Variants in TTC7B observed in about 807,000 individuals in gnomAD.
TTC7B encodes tetratricopeptide repeat domain 7B.
Under a neutral mutation model 106.8 loss-of-function variants are expected in TTC7B, and 28 were observed. That is an observed-to-expected ratio of 0.26 (90% CI 0.19 to 0.36). TTC7B has a LOEUF of 0.36. Ranked by LOEUF, TTC7B falls within the 10% of genes least tolerant of loss-of-function variation. The pLI, the probability that TTC7B is intolerant of heterozygous loss-of-function variation, is 1.00. For synonymous variants in TTC7B, 405 were observed against 430.6 expected, an observed-to-expected ratio of 0.94 and a Z score of 0.74; for missense variants, 862 against 1,076.4, an observed-to-expected ratio of 0.80 and a Z score of 2.79.
At chr14:90,567,210 C>T (rs1890835771) in intron 19 of TTC7B, among the ~76,000 whole-genome samples, 1 of 152,188 alleles carries the variant, frequency 6.6e-6, no homozygotes, top group Non-Finnish European at 1.5e-5. Context: ...GCAACCCCAC[C>T]TTGGCAACAT....
At chr14:90,705,783 C>G (rs1449825447) in intron 5 of TTC7B, among the ~76,000 whole-genome samples, 1 of 152,142 alleles carries the variant, frequency 6.6e-6, no homozygotes, top group Non-Finnish European at 1.5e-5. Flanking sequence ...TAGCCTTGTC[C>G]ACTTTTTTTC....
intron 4 of TTC7B, among the ~76,000 whole-genome samples, chr14:90,740,466 G>A (rs1160206055): frequency 6.9e-6 from 1 of 145,868 alleles, no homozygotes; most frequent in Non-Finnish European, 1.5e-5. Context: ...AAAAGTTACT[G>A]CATAAACATT....
intron 9 of TTC7B, among the ~76,000 whole-genome samples, chr14:90,670,535 C>CAAAACCAT (rs1350950281): frequency 6.6e-6 from 1 of 150,734 alleles, no homozygotes; most frequent in African/African-American, 2.4e-5. Flanking sequence ...AGAACTAAAA[C>CAAAACCAT]AAAACCATGA....
At chr14:90,616,586 G>A (rs1893087457) in intron 16 of TTC7B, among the ~76,000 whole-genome samples, 1 of 152,182 alleles carries the variant, frequency 6.6e-6, no homozygotes, top group Admixed American at 6.5e-5. Context: ...TCCAGGCAGA[G>A]CTCTCTTCCT....
chr14:90,603,132 G>A, intron 17 of TTC7B: 2 of 607,468 alleles, frequency 3.3e-6, no homozygotes, highest in Non-Finnish European at 5.1e-6. Context: ...GCAGGTGGCA[G>A]AGGGATGTCC....
In TTC7B at chr14:90,647,040, G is replaced by C. The variant is rs375817895; in HGVS notation, c.1518-17C>G. 3.7e-6 allele frequency: 6 copies of C among 1,613,386 alleles called. No individual in the cohort carries two copies. Among genetic ancestry groups the C allele is most frequent in the Non-Finnish European group, 4.2e-6 (5 of 1,179,330 alleles). ...CTGTGGGCCCTGAAAAAGTATTTAC[G>C]GCTATTAGTACATGGGAGAGGAGGC... On this transcript the variant is annotated splice_polypyrimidine_tract_variant and intron_variant, in intron 13 of 19. Transcript: ENST00000328459.
intron 17 of TTC7B, among the ~76,000 whole-genome samples, chr14:90,597,053 G>T (rs762871219): frequency 6.6e-6 from 1 of 152,142 alleles, no homozygotes; most frequent in Non-Finnish European, 1.5e-5. Context: ...AAACATGGAC[G>T]TTTCCCCTAA....
In TTC7B at chr14:90,539,814, T is replaced by C. The variant is rs934358897; in HGVS notation, c.*1554A>G. 1 of 152,278 alleles carries C rather than the reference T, an allele frequency of 6.6e-6. No homozygotes were observed. Among genetic ancestry groups the C allele is most frequent in the Non-Finnish European group, 1.5e-5 (1 of 68,074 alleles). 9.4% of individuals were successfully genotyped at this position (152,278 alleles called of 1,614,324 possible). ...CTTTGGCTCAAACACCTCTACACCT[T>C]CTTCTCATGGTGGCAAGAGGGCTGC... On this transcript the variant is annotated 3_prime_UTR_variant, in exon 20 of 20. Coordinates refer to ENST00000328459, the MANE Select transcript of TTC7B (RefSeq NM_001010854.2).
chr14:90,598,941 A>T (rs1400646841), intron 17 of TTC7B, among the ~76,000 whole-genome samples: 1 of 152,170 alleles, frequency 6.6e-6, no homozygotes, highest in African/African-American at 2.4e-5. Flanking sequence ...TGAGGTCAGG[A>T]GTCTGAGACC....
rs778938131 is a variant in TTC7B at position 90,730,334 on chromosome 14, A to C, written c.577-138T>G. On this transcript the variant is annotated intron_variant, in intron 4 of 19. Transcript: ENST00000328459. The stretch of plus-strand genomic sequence containing the variant: ...TATCAGTGCAGAGGCACAGGTGTAG[A>C]AGTGCAAGCATTAGAAAAGCAGAGA... The C allele has an allele frequency of 3.6e-4, 357 of 996,250 alleles. 1 individual carries two copies. The highest frequency in any genetic ancestry group is 4.5e-4 in the Non-Finnish European group (325 of 718,338). The allele number at this position is 996,250 out of a possible 1,614,324, so 61.7% of individuals were successfully genotyped here.
chr14:90,558,789 G>A (rs867492153), intron 19 of TTC7B, among the ~76,000 whole-genome samples: 1 of 152,194 alleles, frequency 6.6e-6, no homozygotes, highest in Non-Finnish European at 1.5e-5. Context: ...AAACAGAAAC[G>A]GGCGGCTTGC....
chr14:90,748,515 C>T (rs1890038808), intron 3 of TTC7B, among the ~76,000 whole-genome samples: 1 of 151,800 alleles, frequency 6.6e-6, no homozygotes, highest in Non-Finnish European at 1.5e-5. Flanking sequence ...TTAGTAGAGA[C>T]AGGGTTTCAC....
At chr14:90,665,533 G>A (rs1421709455) in intron 9 of TTC7B, among the ~76,000 whole-genome samples, 5 of 152,156 alleles carry the variant, frequency 3.3e-5, no homozygotes, top group Admixed American at 3.3e-4. Flanking sequence ...CTGGGTGCGC[G>A]GCAGCGACAG....
At chr14:90,688,420 C>A (rs764953776) in intron 7 of TTC7B, among the ~76,000 whole-genome samples, 1 of 151,940 alleles carries the variant, frequency 6.6e-6, no homozygotes, top group Admixed American at 6.6e-5. Context: ...GTCAGGAGAT[C>A]GAGACCATAC....
At position 90,570,158 on chromosome 14, in the gene TTC7B, T is replaced by C. The variant is rs1179918040; in HGVS notation, c.2310+7948A>G. Among the ~76,000 whole-genome samples, 1 of 152,166 alleles carries C rather than the reference T, an allele frequency of 6.6e-6. No homozygotes were observed. The highest frequency in any genetic ancestry group is 1.9e-4 in the East Asian group (1 of 5,174). ...CAGCACACTGAGTGAGAGCCCCACT[T>C]ACAGCCTAGCAGGGCCTCCCTGAGG... is the stretch of plus-strand genomic sequence containing the variant. On this transcript the variant is annotated intron_variant, in intron 19 of 19. Transcript: ENST00000328459. The surrounding 1 kb of genome is among the most constrained non-coding windows in gnomAD (Gnocchi z 4.0).
intron 15 of TTC7B, among the ~76,000 whole-genome samples, chr14:90,643,534 CTTATG>C (rs1273319474): frequency 2.6e-5 from 4 of 151,820 alleles, no homozygotes; most frequent in Admixed American, 2.6e-4. Flanking sequence ...TAAGGATGAC[CTTATG>C]TTAGGATGAC....
At chr14:90,744,672 A>C in intron 4 of TTC7B, 120 bp downstream of exon 4, 6 of 1,052,652 alleles carry the variant, frequency 5.7e-6, no homozygotes, top group Non-Finnish European at 8.4e-6. Context: ...TAAGGAGTAC[A>C]AGTAAAGCTT....
At chr14:90,739,745 A>G (rs1239869946) in intron 4 of TTC7B, among the ~76,000 whole-genome samples, 1 of 152,220 alleles carries the variant, frequency 6.6e-6, no homozygotes. Context: ...GTCAAGTTCC[A>G]CCCTGGCTCT....
chr14:90,632,858 T>C (rs554271068), intron 15 of TTC7B, among the ~76,000 whole-genome samples: 1 of 152,224 alleles, frequency 6.6e-6, no homozygotes, highest in Admixed American at 6.5e-5. Flanking sequence ...GTTAAAAATG[T>C]GTAAAGTGTT....
Sources: gnomAD v4.1 joint callset for allele counts (sites outside exome capture counted in the v4.1 genomes callset) on GRCh38, gnomAD v4.1.1 for gene constraint, Gnocchi (gnomAD v3.1) non-coding constraint, MANE v1.5 for transcripts, NCBI Gene and HGNC (gene_info 2026-07-23, HGNC 2026-07-21) for gene names.